Variants in MICAL2 observed in about 807,000 individuals in gnomAD.
MICAL2 encodes [F-actin]-monooxygenase MICAL2.
In MICAL2, 77 loss-of-function variants were observed where a neutral mutation model predicts 127.3. That is an observed-to-expected ratio of 0.60 (90% CI 0.50 to 0.73). MICAL2 has a LOEUF of 0.73. Among genes scored for constraint, MICAL2 ranks in the 30% least tolerant of loss-of-function variants. The pLI is 0.00. For missense variants in MICAL2, 1,351 were observed against 1,434.4 expected, an observed-to-expected ratio of 0.94 and a Z score of 0.94; for synonymous variants, 570 against 551.1, an observed-to-expected ratio of 1.03 and a Z score of -0.48.
chr11:12,172,824 C>T (rs573721087), intron 3 of MICAL2, among the ~76,000 whole-genome samples: 4 of 152,124 alleles, frequency 2.6e-5, no homozygotes, highest in East Asian at 1.9e-4. Flanking sequence ...CCCGAGGCCC[C>T]GCCCCATCCT....
intron 3 of MICAL2, among the ~76,000 whole-genome samples, chr11:12,171,257 C>T (rs1361777591): frequency 6.6e-6 from 1 of 152,156 alleles, no homozygotes; most frequent in Non-Finnish European, 1.5e-5. Flanking sequence ...CTTGCAGCTC[C>T]TGGCCCACCC....
chr11:12,174,863 G>A (rs185522265), intron 3 of MICAL2, among the ~76,000 whole-genome samples: 3 of 152,286 alleles, frequency 2.0e-5, no homozygotes, highest in Admixed American at 2.0e-4. Flanking sequence ...GCTCACTCCT[G>A]TACTCCCAGT....
chr11:12,203,451 C>T (rs35711620), intron 3 of MICAL2, among the ~76,000 whole-genome samples: 21,959 of 152,180 alleles, frequency 0.14, 1,928 homozygotes, highest in Non-Finnish European at 0.19. Flanking sequence ...TCACAGCCGT[C>T]CCAGTGGGTG....
rs1287877603 is a variant in MICAL2, at chr11:12,138,943, G to A, written c.-78+483G>A. On this transcript the variant is annotated intron_variant, in intron 2 of 27. Transcript: ENST00000683283. The stretch of plus-strand genomic sequence containing the variant: ...TATCCTTGTTTATTTTATAGACATG[G>A]AGGCTGGGGTCTGAGGAGTCAGATA... 4.6e-5 allele frequency among the ~76,000 whole-genome samples: 7 copies of A among 152,330 alleles called. No individual in the cohort carries two copies. The East Asian group carries it at 1.3e-3, about 29-fold the overall frequency.
chr11:12,342,638 T>TGCCAAGCACAATGCTTA (rs1277329964), intron 32 of MICAL2, among the ~76,000 whole-genome samples: 3 of 152,204 alleles, frequency 2.0e-5, no homozygotes, highest in Admixed American at 6.5e-5. Flanking sequence ...GTTTACTATG[T>TGCCAAGCACAATGCTTA]GCCAAGCACA....
intron 30 of MICAL2, among the ~76,000 whole-genome samples, chr11:12,320,343 T>C (rs924201720): frequency 1.3e-5 from 2 of 152,214 alleles, no homozygotes; most frequent in African/African-American, 4.8e-5. Context: ...TCAATGAACA[T>C]TAATGTTTTT....
chr11:12,225,275 G>A (rs777275377), intron 13 of MICAL2, among the ~76,000 whole-genome samples: 4 of 152,294 alleles, frequency 2.6e-5, no homozygotes, highest in East Asian at 1.9e-4. Context: ...TAGATTCTTC[G>A]TCTACAAATT....
At chr11:12,235,352 G>A (rs1461517355) in intron 15 of MICAL2, among the ~76,000 whole-genome samples, 1 of 152,152 alleles carries the variant, frequency 6.6e-6, no homozygotes, top group East Asian at 1.9e-4. Context: ...GGGCTTTCTG[G>A]ATTTCAATGC....
chr11:12,119,169 G>A (rs374969588), intron 1 of MICAL2, among the ~76,000 whole-genome samples: 8 of 152,122 alleles, frequency 5.3e-5, no homozygotes, highest in East Asian at 3.9e-4. Context: ...TCCTCCCCTC[G>A]TGAACAGGAT....
Position 12,131,136 on chromosome 11 carries a change from A to G in MICAL2, c.-148-7254A>G, listed in dbSNP as rs1370161793. ...GTGAAACCCCGTCTCTACTAAAAAT[A>G]CAAAAAATTAGCCGGGCGCGGTGGC... is the stretch of plus-strand genomic sequence containing the variant. On this transcript the variant is annotated intron_variant, in intron 1 of 27. Transcript: ENST00000683283. 2.4e-5 allele frequency among the ~76,000 whole-genome samples: 2 copies of G among 84,882 alleles called. 1 individual carries two copies. The highest frequency in any genetic ancestry group is 5.7e-5 in the Non-Finnish European group (2 of 34,870). 55.7% of individuals were successfully genotyped at this position (84,882 alleles called of 152,430 possible).
At chr11:12,243,790 C>G (rs2270509) in intron 20 of MICAL2, among the ~76,000 whole-genome samples, 197 bp from the exon 21 acceptor site, 26,279 of 152,172 alleles carry the variant, frequency 0.17, 2,396 homozygotes, top group South Asian at 0.28. Context: ...GGAATAGTTG[C>G]AGCAGAATGC....
chr11:12,344,858 C>T (rs1375081585), intron 32 of MICAL2, among the ~76,000 whole-genome samples: 1 of 151,052 alleles, frequency 6.6e-6, no homozygotes, highest in Non-Finnish European at 1.5e-5. Flanking sequence ...CCTGTAATCC[C>T]AGCATTTTGG....
chr11:12,291,706 C>A (rs1863903924), downstream of MICAL2, among the ~76,000 whole-genome samples: 1 of 152,238 alleles, frequency 6.6e-6, no homozygotes. Context: ...TCGTGGATGT[C>A]TATCCTGTCT....
At chr11:12,269,264 C>T (rs975584387) in intron 24 of MICAL2, among the ~76,000 whole-genome samples, 4 of 152,262 alleles carry the variant, frequency 2.6e-5, no homozygotes, top group Non-Finnish European at 2.9e-5. Context: ...GGCTGCCTTC[C>T]GAGAAACTTA....
At chr11:12,186,548 T>C (rs1858306451) in intron 3 of MICAL2, among the ~76,000 whole-genome samples, 1 of 149,352 alleles carries the variant, frequency 6.7e-6, no homozygotes, top group Admixed American at 6.6e-5. Flanking sequence ...TAAAAAAAGA[T>C]TTTTTTTTTA....
At chr11:12,262,758 C>G in intron 27 of MICAL2, 1 of 532,376 alleles carries the variant, frequency 1.9e-6, no homozygotes, top group East Asian at 3.1e-5. Flanking sequence ...GCCTGGTCTA[C>G]CCCAAGTGCA....
Position 12,353,254 on chromosome 11 carries a change from G to A in MICAL2, c.5616-1530G>A, listed in dbSNP as rs573595450. 3.9e-5 allele frequency among the ~76,000 whole-genome samples: 6 copies of A among 152,288 alleles called. No individual in the cohort carries two copies. The East Asian group carries it at 9.7e-4, about 25-fold the overall frequency. On this transcript the variant is annotated intron_variant, in intron 33 of 34. Transcript: ENST00000646065. ...GGAGGCCCCACCAGGTCAAACCCAG[G>A]AACCTAGTCTCGGCCCTCACCCTCT...
intron 24 of MICAL2, among the ~76,000 whole-genome samples, chr11:12,258,177 C>T (rs907052960): frequency 1.3e-5 from 2 of 152,158 alleles, no homozygotes; most frequent in African/African-American, 2.4e-5. Context: ...TCTCCGGGTG[C>T]GGGCATGCCA....
At position 12,249,246 on chromosome 11, in the gene MICAL2, G is replaced by T. The variant is rs1386327188; in HGVS notation, c.2847G>T (p.Gln949His). 2 of 1,566,252 alleles carry T rather than the reference G, an allele frequency of 1.3e-6. No homozygotes were observed. Among genetic ancestry groups the T allele is most frequent in the Non-Finnish European group, 1.8e-6 (2 of 1,136,806 alleles). ...GCCATTTGAGAACAGTGCATCCTCA[G>T]GTGAGTTAGAGCCTCCCTGAACTTC... ...HPSHLRTVHP[Q>H]LTVGKVSSGI... The change falls in exon 22 of 28, where the codon CAG (glutamine) becomes CAT (histidine). Residue 949 changes from glutamine (Q) to histidine (H), a missense_variant and splice_region_variant. Around this residue, in one of 2 missense-constraint regions of MICAL2, gnomAD observed 752 missense variants for 719.4 expected, o/e 1.05. Transcript: ENST00000683283.
Sources: allele counts gnomAD v4.1 joint callset (sites outside exome capture counted in the v4.1 genomes callset), GRCh38; gene constraint gnomAD v4.1.1; regional missense constraint gnomAD v4.1.1; transcripts MANE v1.5; gene names NCBI Gene and HGNC (gene_info 2026-07-23, HGNC 2026-07-21).